The following EXTL3 variants were observed in gnomAD, a reference collection of about 807,000 sequenced individuals.
EXTL3 encodes exostosin-like 3.
Under a neutral mutation model 69.3 loss-of-function variants are expected in EXTL3, and 27 were observed. The observed-to-expected ratio is 0.39, with a 90% CI of 0.29 to 0.54. The LOEUF (loss-of-function observed/expected upper bound fraction) is 0.54, where lower values mean the gene tolerates loss of function less well. EXTL3 is among the 20% of genes least tolerant of loss of function. The pLI is 0.69. For synonymous variants in EXTL3, 511 were observed against 499.4 expected, an observed-to-expected ratio of 1.02 and a Z score of -0.31; for missense variants, 1,003 against 1,231.8, an observed-to-expected ratio of 0.81 and a Z score of 2.78.
chr8:28,643,426 C>CT (rs138680672), intron 1 of EXTL3, among the ~76,000 whole-genome samples: 1 of 143,978 alleles, frequency 6.9e-6, no homozygotes, highest in East Asian at 2.0e-4. Flanking sequence ...TTCTTTTTTT[C>CT]TTTTTTGAGA....
chr8:28,749,762 T>C (rs1430675582), intron 6 of EXTL3, among the ~76,000 whole-genome samples: 4 of 152,286 alleles, frequency 2.6e-5, no homozygotes, highest in East Asian at 1.9e-4. Flanking sequence ...TCATAGCTCA[T>C]TGCAGCCTCA....
In EXTL3 at chr8:28,682,588, G is replaced by A. The variant is rs146578372; in HGVS notation, c.-52-30869G>A. Among the ~76,000 whole-genome samples, 81 of 152,162 alleles carry A rather than the reference G, an allele frequency of 5.3e-4. 1 individual carries two copies. In the East Asian group the frequency reaches 0.015, roughly 29 times the overall value. On this transcript the variant is annotated intron_variant, in intron 1 of 6. Transcript: ENST00000523149. ...CTCCCAAGTAGCTGGGACTACAGGC[G>A]TGTGCCACCATGCCTGGCTAATTTT... is the stretch of plus-strand genomic sequence containing the variant.
rs1802098736 is a variant in EXTL3, at chr8:28,755,368, T to G, written c.*4502T>G. 1 of 152,454 alleles carries G rather than the reference T, an allele frequency of 6.6e-6. No individual in the cohort carries two copies. Among genetic ancestry groups the G allele is most frequent in the Admixed American group, 6.5e-5 (1 of 15,290 alleles). 9.4% of individuals were successfully genotyped at this position (152,454 alleles called of 1,614,324 possible). Reference sequence around the variant, plus strand: ...AGGAGTTCCATAGTTTTCTCATGAATGAATGCTTTGACAAAGTGAAGAGGG... The same window carrying G: ...AGGAGTTCCATAGTTTTCTCATGAAGGAATGCTTTGACAAAGTGAAGAGGG... On this transcript the variant is annotated 3_prime_UTR_variant, in exon 7 of 7. Coordinates refer to ENST00000220562, the MANE Select transcript of EXTL3 (RefSeq NM_001440.4).
chr8:28,661,834 A>G (rs1224301505), intron 1 of EXTL3, among the ~76,000 whole-genome samples: 1 of 151,846 alleles, frequency 6.6e-6, no homozygotes, highest in Non-Finnish European at 1.5e-5. Context: ...GCAGTGAGCC[A>G]AGGTTGCGCC....
In EXTL3 at chr8:28,750,180, C is replaced by T. The variant is rs746197872; in HGVS notation, c.2551-477C>T. 1.3e-5 allele frequency among the ~76,000 whole-genome samples: 2 copies of T among 152,300 alleles called. No homozygotes were observed. The highest frequency in any genetic ancestry group is 1.9e-4 in the East Asian group (1 of 5,190). ...CTAGACTGTAGTATGGCCACTTTCC[C>T]ATGGCTTTAAATGTAGTTAAGCATC... On this transcript the variant is annotated intron_variant, in intron 6 of 6. Transcript: ENST00000220562. The surrounding 1 kb of genome is among the most constrained non-coding windows in gnomAD (Gnocchi z 5.2).
At chr8:28,677,139 T>G (rs1404555583) in intron 1 of EXTL3, among the ~76,000 whole-genome samples, 1 of 149,996 alleles carries the variant, frequency 6.7e-6, no homozygotes, top group Non-Finnish European at 1.5e-5. Flanking sequence ...AAAGGGATAA[T>G]TAATGAAGGA....
In EXTL3 at chr8:28,717,179, G is replaced by C. The variant is rs201263762; in HGVS notation, c.1120G>C (p.Asp374His). 6.2e-7 allele frequency: 1 copy of C among 1,614,110 alleles called. No individual in the cohort carries two copies. Among genetic ancestry groups the C allele is most frequent in the African/African-American group, 1.3e-5 (1 of 74,942 alleles). ...GGAAATGGAGGGCGACCCTCCCGCCGACTACGATGACCGGATCATTGCCAC... is the reference window on the plus strand; with the variant it reads ...GGAAATGGAGGGCGACCCTCCCGCCCACTACGATGACCGGATCATTGCCAC... ...EEEMEGDPPA[D>H]YDDRIIATLK... Residue 374 changes from aspartate to histidine, a missense_variant, in exon 3 of 7, where the codon GAC becomes CAC. Asp to His is a moderately conservative substitution (Grantham distance 81). Coordinates refer to ENST00000220562, the MANE Select transcript of EXTL3 (RefSeq NM_001440.4). The surrounding 1 kb of genome is among the most constrained non-coding windows in gnomAD (Gnocchi z 8.3).
intron 1 of EXTL3, among the ~76,000 whole-genome samples, chr8:28,673,043 C>A (rs949463007): frequency 1.3e-5 from 2 of 152,232 alleles, no homozygotes; most frequent in Non-Finnish European, 2.9e-5. Flanking sequence ...TGTGAGGCCT[C>A]CTCAGCCACA....
chr8:28,615,735 C>T (rs1190408267), intron 2 of EXTL3, among the ~76,000 whole-genome samples: 1 of 140,278 alleles, frequency 7.1e-6, no homozygotes, highest in South Asian at 2.3e-4. Context: ...GCCAAGCTAA[C>T]TTTTGTATTT....
At chr8:28,660,989 CT>C (rs1329492638) in intron 1 of EXTL3, among the ~76,000 whole-genome samples, 1 of 149,666 alleles carries the variant, frequency 6.7e-6, no homozygotes, top group Non-Finnish European at 1.5e-5. Flanking sequence ...TCTCTGCTCA[CT>C]GCAAGCTCCG....
intron 1 of EXTL3, among the ~76,000 whole-genome samples, chr8:28,648,478 A>T (rs1397367714): frequency 1.3e-5 from 2 of 152,228 alleles, no homozygotes; most frequent in Admixed American, 6.5e-5. Context: ...AAGTATTCAG[A>T]AAAGTATGAA....
chr8:28,610,580 G>A (rs758253318), intron 2 of EXTL3, among the ~76,000 whole-genome samples: 7 of 152,098 alleles, frequency 4.6e-5, no homozygotes, highest in East Asian at 1.9e-4. Context: ...GTTATCGGGC[G>A]CTTTCATGTG....
chr8:28,676,740 G>T (rs947396962), intron 1 of EXTL3, among the ~76,000 whole-genome samples: 1 of 152,168 alleles, frequency 6.6e-6, no homozygotes, highest in African/African-American at 2.4e-5. Flanking sequence ...ACACCTTAAA[G>T]GGACAGAGGA....
intron 1 of EXTL3, among the ~76,000 whole-genome samples, chr8:28,660,939 A>G (rs7839248): frequency 0.43 from 55,452 of 128,654 alleles, 13,458 homozygotes; most frequent in Middle Eastern, 0.58. Flanking sequence ...TTTGAGACAG[A>G]GTCTTGCTCT....
intron 1 of EXTL3, chr8:28,631,613 G>A (rs982365790): frequency 6.6e-6 from 1 of 152,192 alleles, no homozygotes; most frequent in African/African-American, 2.4e-5. Context: ...GCCTGCTGCT[G>A]ATGGGCGGAC....
chr8:28,756,133 G>A (rs1288182017), downstream of EXTL3, among the ~76,000 whole-genome samples: 2 of 152,116 alleles, frequency 1.3e-5, no homozygotes, highest in African/African-American at 2.4e-5. Context: ...CACATCTTCA[G>A]TGTGCATTCT....
In EXTL3 at chr8:28,750,918, C is replaced by T; in HGVS notation, c.*52C>T. 6.5e-7 allele frequency: 1 copy of T among 1,536,874 alleles called. No homozygotes were observed. Among genetic ancestry groups the T allele is most frequent in the Non-Finnish European group, 9.0e-7 (1 of 1,113,860 alleles). On this transcript the variant is annotated 3_prime_UTR_variant, in exon 7 of 7. Transcript: ENST00000220562. This position sits in a 1 kb window ranked among gnomAD's most constrained non-coding sequence, Gnocchi z 5.2. ...ATGAGCAGAGGGAGGAAGATGGCTC[C>T]CAAGGTTCCTAGGCATTGCAGGACC...
chr8:28,728,041 T>C (rs1801450127), intron 3 of EXTL3, among the ~76,000 whole-genome samples: 1 of 152,160 alleles, frequency 6.6e-6, no homozygotes, highest in Admixed American at 6.5e-5. Flanking sequence ...AGGGGGAGCT[T>C]TGTTTGGCTG....
intron 1 of EXTL3, among the ~76,000 whole-genome samples, chr8:28,692,979 T>G (rs769368320): frequency 6.6e-6 from 1 of 152,188 alleles, no homozygotes; most frequent in Non-Finnish European, 1.5e-5. Flanking sequence ...TTTTTGCTAC[T>G]CACTGGCATA....
Sources: gnomAD v4.1 joint callset for allele counts (sites outside exome capture counted in the v4.1 genomes callset) on GRCh38, gnomAD v4.1.1 for gene constraint, Gnocchi (gnomAD v3.1) non-coding constraint, MANE v1.5 for transcripts, NCBI Gene and HGNC (gene_info 2026-07-23, HGNC 2026-07-21) for gene names.